AQP10: variants seen among roughly 807,000 people sequenced by gnomAD.
AQP10 encodes the protein aquaporin 10.
A neutral mutation model predicts 21.0 loss-of-function variants in AQP10; 15 were observed. The observed-to-expected ratio is 0.71, with a 90% CI of 0.48 to 1.10. The LOEUF is 1.10. Among genes scored for constraint, AQP10 ranks in the 50% least tolerant of loss-of-function variants. The pLI, the probability that AQP10 is intolerant of heterozygous loss-of-function variation, is 0.00. For synonymous variants in AQP10, 143 were observed against 155.7 expected (o/e 0.92, Z 0.61); for missense variants, 268 against 379.5 (o/e 0.71, Z 2.44).
Position 154,323,735 on chromosome 1 carries a change from A to G in AQP10, c.636A>G (p.Pro212=). ...GLSMGANCGI[P]LNPARDLGPR... is the part of the protein sequence containing the mutation. ...CCATGGGTGCCAACTGCGGGATTCC[A>G]CTCAACCCTGCCCGGGACCTGGGCC... Residue 212 remains proline, a synonymous_variant, in exon 5 of 6, where the codon CCA becomes CCG. Transcript: ENST00000324978. The surrounding 1 kb of genome is among the most constrained non-coding windows in gnomAD (Gnocchi z 4.5). The G allele has an allele frequency of 6.2e-7, 1 of 1,613,910 alleles. No individual in the cohort carries two copies. The highest frequency in any genetic ancestry group is 8.5e-7 in the Non-Finnish European group (1 of 1,179,976).
rs200639079 is a variant in AQP10, at chr1:154,323,764, G to C, written c.665G>C (p.Arg222Pro). ...PLNPARDLGP[R>P]LFTYVAGWGP... ...AACCCTGCCCGGGACCTGGGCCCAC[G>C]TCTCTTCACCTACGTGGCTGGCTGG... Residue 222 changes from arginine (R) to proline (P), a missense_variant, in exon 5 of 6, where the codon CGT (arginine) becomes CCT (proline). Arg to Pro is a moderately radical substitution (Grantham distance 103). Transcript: ENST00000324978. This position sits in a 1 kb window ranked among gnomAD's most constrained non-coding sequence, Gnocchi z 4.5. The C allele has an allele frequency of 1.2e-6, 2 of 1,614,198 alleles. No homozygotes were observed. The highest frequency in any genetic ancestry group is 1.7e-6 in the Non-Finnish European group (2 of 1,180,040).
At position 154,324,354 on chromosome 1, in the gene AQP10, C is replaced by A. The variant is rs768871130; in HGVS notation, c.780C>A (p.Tyr260Ter). The A allele has an allele frequency of 6.2e-7, 1 of 1,609,916 alleles. No individual in the cohort carries two copies. Among genetic ancestry groups the A allele is most frequent in the Admixed American group, 1.7e-5 (1 of 59,226 alleles). Residue 260 changes from tyrosine to a stop codon, truncating the protein, a stop_gained, in exon 6 of 6, where the codon TAC becomes TAA. Transcript: ENST00000324978. LOFTEE classifies it low-confidence loss of function (END_TRUNC). ...LVGATVGTAT[Y>*]QLLVALHHPE... is the part of the protein sequence containing the mutation. ...GGGCCACCGTTGGCACAGCCACTTA[C>A]CAGCTGTTGGTGGCTCTGCACCACC...
rs1221991015 is a variant in AQP10, at chr1:154,323,914, T to C, written c.707+108T>C. On this transcript the variant is annotated intron_variant, in intron 5 of 5. Transcript: ENST00000324978. This position sits in a 1 kb window ranked among gnomAD's most constrained non-coding sequence, Gnocchi z 4.5. ...CTTTAAAATAGCTCTCTTGGCTTCTTAGGACAGTGTTCTTTCTCCAAGTCA... is the reference window on the plus strand; with the variant it reads ...CTTTAAAATAGCTCTCTTGGCTTCTCAGGACAGTGTTCTTTCTCCAAGTCA... 2 of 1,510,426 alleles carry C rather than the reference T, an allele frequency of 1.3e-6. No individual in the cohort carries two copies. Among genetic ancestry groups the C allele is most frequent in the East Asian group, 2.5e-5 (1 of 40,484 alleles). 93.6% of individuals were successfully genotyped at this position (1,510,426 alleles called of 1,614,324 possible).
intron 5 of AQP10, 31 bp from the exon 6 acceptor site, chr1:154,324,251 C>T (rs747942497): frequency 6.6e-7 from 1 of 1,516,678 alleles, no homozygotes. Context: ...GGAGTCACTC[C>T]TGATACCTTC....
intron 2 of AQP10, 146 bp downstream of exon 2, chr1:154,322,205 C>T: frequency 1.6e-6 from 2 of 1,260,558 alleles, no homozygotes; most frequent in Non-Finnish European, 2.2e-6. Flanking sequence ...AGCCTTTGGC[C>T]CCACCAGCCC....
At chr1:154,322,489 C>CTTCTTCTTTTT (rs376265152) in intron 2 of AQP10, among the ~76,000 whole-genome samples, 1 of 117,858 alleles carries the variant, frequency 8.5e-6, no homozygotes, top group South Asian at 2.9e-4. Flanking sequence ...GTGTCTTCTT[C>CTTCTTCTTTTT]TTTTTTTTTT....
rs201774045 is a variant in AQP10, at chr1:154,323,376, G to A, written c.489+17G>A. 6.2e-7 allele frequency: 1 copy of A among 1,605,398 alleles called. No individual in the cohort carries two copies. Among genetic ancestry groups the A allele is most frequent in the Non-Finnish European group, 8.5e-7 (1 of 1,172,750 alleles). ...CTGGATCAGGTAAGTGTGAGGGGGA[G>A]ACCTGGGGACACTACTTTGGTCCTG... On this transcript the variant is annotated intron_variant, in intron 4 of 5. Coordinates refer to ENST00000324978, the MANE Select transcript of AQP10 (RefSeq NM_080429.3). This position sits in a 1 kb window ranked among gnomAD's most constrained non-coding sequence, Gnocchi z 4.5.
chr1:154,323,501 G>A lies in AQP10; in HGVS notation c.490-88G>A. On this transcript the variant is annotated intron_variant, in intron 4 of 5. Coordinates refer to ENST00000324978, the MANE Select transcript of AQP10 (RefSeq NM_080429.3). This position sits in a 1 kb window ranked among gnomAD's most constrained non-coding sequence, Gnocchi z 4.5. ...TCCCCAACTGCCTGTGTTGCACAAA[G>A]CCAGATGACATGGAATATTTGGATG... is the stretch of plus-strand genomic sequence containing the variant. 6.5e-7 allele frequency: 1 copy of A among 1,531,528 alleles called. No homozygotes were observed. Among genetic ancestry groups the A allele is most frequent in the Non-Finnish European group, 8.9e-7 (1 of 1,120,838 alleles). The allele number at this position is 1,531,528 out of a possible 1,614,324, so 94.9% of individuals were successfully genotyped here. A position where few individuals can be genotyped will look rare whatever the true frequency, so the allele number is the denominator to read the frequency against.
Position 154,321,234 on chromosome 1 carries a change from G to A in AQP10, c.79G>A (p.Glu27Lys). ...RSLLARQCLA[E>K]FLGVFVLMLL... is the part of the protein sequence containing the mutation. ...CCTCCTGGCCCGGCAGTGCCTGGCA[G>A]AGTTTCTGGGTGTGTTTGTACTCAT... The change falls in exon 1 of 6, where the codon GAG (glutamate) becomes AAG (lysine). Residue 27 changes from glutamate (E) to lysine (K), a missense_variant. Physicochemically the swap from Glu to Lys is moderately conservative, Grantham distance 56. Transcript: ENST00000324978. 3.7e-6 allele frequency: 6 copies of A among 1,613,794 alleles called. No homozygotes were observed. The highest frequency in any genetic ancestry group is 5.1e-6 in the Non-Finnish European group (6 of 1,179,864).
intron 2 of AQP10, among the ~76,000 whole-genome samples, chr1:154,322,503 T>TTTC (rs1553294355): frequency 4.1e-5 from 6 of 147,888 alleles, no homozygotes; most frequent in African/African-American, 1.5e-4. Flanking sequence ...TTTTTTTTTT[T>TTTC]TTTTCTTTTT....
chr1:154,322,597 C>T (rs917628890), intron 2 of AQP10, among the ~76,000 whole-genome samples: 1 of 146,952 alleles, frequency 6.8e-6, no homozygotes, highest in African/African-American at 2.5e-5. Flanking sequence ...CCCCTGGGTT[C>T]ACGCGATTCT....
intron 2 of AQP10, among the ~76,000 whole-genome samples, chr1:154,322,513 T>A (rs1685669011): frequency 6.6e-6 from 1 of 150,472 alleles, no homozygotes; most frequent in Non-Finnish European, 1.5e-5. Context: ...TTTTTCTTTT[T>A]TTTTGAGATG....
intron 5 of AQP10, 101 bp from the exon 6 acceptor site, chr1:154,324,181 G>C (rs1306132633): frequency 8.0e-7 from 1 of 1,251,782 alleles, no homozygotes; most frequent in Admixed American, 2.8e-5. Context: ...ACCACCCTGG[G>C]AACAACTTTA....
In AQP10 at chr1:154,323,657, T is replaced by C; in HGVS notation, c.558T>C (p.Pro186=). 6.2e-7 allele frequency: 1 copy of C among 1,614,214 alleles called. No homozygotes were observed. Among genetic ancestry groups the C allele is most frequent in the Non-Finnish European group, 8.5e-7 (1 of 1,180,034 alleles). The change falls in exon 5 of 6, where the codon CCT becomes CCC. Residue 186 remains proline, a synonymous_variant. Coordinates refer to ENST00000324978, the MANE Select transcript of AQP10 (RefSeq NM_080429.3). The surrounding 1 kb of genome is among the most constrained non-coding windows in gnomAD (Gnocchi z 4.5). ...TGGACAGACGGAACAAGGGAGTCCCTGCGGGTCTGGAGCCTGTGGTGGTGG... is the reference window on the plus strand; with the variant it reads ...TGGACAGACGGAACAAGGGAGTCCCCGCGGGTCTGGAGCCTGTGGTGGTGG... ...AILDRRNKGV[P]AGLEPVVVGM...
chr1:154,321,662 A>G (rs1056627898), intron 1 of AQP10, among the ~76,000 whole-genome samples: 17 of 152,180 alleles, frequency 1.1e-4, no homozygotes, highest in Admixed American at 1.1e-3. Context: ...AAAGAATCTT[A>G]GATAAGACTT....
chr1:154,323,748 C>T lies in AQP10; in HGVS notation c.649C>T (p.Arg217Trp), dbSNP rs1182330307. 6.8e-6 allele frequency: 11 copies of T among 1,614,040 alleles called. No homozygotes were observed. Among genetic ancestry groups the T allele is most frequent in the Admixed American group, 1.7e-5 (1 of 60,000 alleles). ...ANCGIPLNPA[R>W]DLGPRLFTYV... ...CTGCGGGATTCCACTCAACCCTGCCCGGGACCTGGGCCCACGTCTCTTCAC... is the reference window on the plus strand; with the variant it reads ...CTGCGGGATTCCACTCAACCCTGCCTGGGACCTGGGCCCACGTCTCTTCAC... The change falls in exon 5 of 6, where the codon CGG becomes TGG. Residue 217 changes from arginine to tryptophan, a missense_variant. This residue lies in a region of AQP10 where 229 missense variants were observed against 295.1 expected (regional missense o/e 0.78). Transcript: ENST00000324978. The surrounding 1 kb of genome is among the most constrained non-coding windows in gnomAD (Gnocchi z 4.5).
At position 154,322,489 on chromosome 1, in the gene AQP10, C is replaced by CTTTT. The variant is rs5777905; in HGVS notation, c.232+445_232+448dup. On this transcript the variant is annotated intron_variant, in intron 2 of 5. Coordinates refer to ENST00000324978, the MANE Select transcript of AQP10 (RefSeq NM_080429.3). ...AACTTTGGATTCACAGTGTCTTCTTCTTTTTTTTTTTTTTTTTTCTTTTTT... is the reference window on the plus strand; with the variant it reads ...AACTTTGGATTCACAGTGTCTTCTTCTTTTTTTTTTTTTTTTTTTTTTCTTTTTT... 3.3e-3 allele frequency among the ~76,000 whole-genome samples: 388 copies of CTTTT among 117,634 alleles called. 1 individual carries two copies. Among genetic ancestry groups the CTTTT allele is most frequent in the East Asian group, 5.0e-3 (20 of 3,978 alleles). 77.2% of individuals were successfully genotyped at this position (117,634 alleles called of 152,430 possible). A position where few individuals can be genotyped will look rare whatever the true frequency, so the allele number is the denominator to read the frequency against.
intron 1 of AQP10, among the ~76,000 whole-genome samples, chr1:154,321,484 T>G (rs1685640386): frequency 6.6e-6 from 1 of 152,246 alleles, no homozygotes; most frequent in African/African-American, 2.4e-5. Flanking sequence ...TCATAGTTCT[T>G]GAAACATAAT....
chr1:154,321,151 C>T lies in AQP10; in HGVS notation c.-5C>T. On this transcript the variant is annotated 5_prime_UTR_variant, in exon 1 of 6. Transcript: ENST00000324978. Reference sequence around the variant, plus strand: ...AGCAGTGAATAGCAATAGGGTGTTTCCACCATGGTCTTCACTCAGGCCCCG... The same window carrying T: ...AGCAGTGAATAGCAATAGGGTGTTTTCACCATGGTCTTCACTCAGGCCCCG... The T allele has an allele frequency of 6.2e-7, 1 of 1,612,044 alleles. No individual in the cohort carries two copies. Among genetic ancestry groups the T allele is most frequent in the Non-Finnish European group, 8.5e-7 (1 of 1,178,812 alleles).
Sources: allele counts gnomAD v4.1 joint callset (sites outside exome capture counted in the v4.1 genomes callset), GRCh38; gene constraint gnomAD v4.1.1; regional missense constraint gnomAD v4.1.1; non-coding constraint Gnocchi (gnomAD v3.1); transcripts MANE v1.5; gene names NCBI Gene and HGNC (gene_info 2026-07-23, HGNC 2026-07-21).